The following TRPC7 variants were observed in gnomAD, a reference collection of about 807,000 sequenced individuals.
TRPC7 encodes the protein transient receptor potential cation channel subfamily C member 7.
Under a neutral mutation model 90.1 loss-of-function variants are expected in TRPC7, and 42 were observed. That is an observed-to-expected ratio of 0.47 (90% confidence interval 0.36 to 0.60). TRPC7 has a LOEUF of 0.60. Ranked by LOEUF, TRPC7 falls within the 20% of genes least tolerant of loss-of-function variation. TRPC7 has a pLI of 0.00. For missense variants in TRPC7, 955 were observed against 1,112.3 expected (o/e 0.86, Z 2.01); for synonymous variants, 451 against 436.3 (o/e 1.03, Z -0.42).
intron 2 of TRPC7, among the ~76,000 whole-genome samples, chr5:136,343,550 C>T (rs1374846597): frequency 6.6e-6 from 1 of 152,116 alleles, no homozygotes; most frequent in Non-Finnish European, 1.5e-5. Flanking sequence ...TAGATCATAC[C>T]CTTTTGTCTA....
chr5:136,213,720 A>G (rs930381575), intron 11 of TRPC7, 116 bp from the exon 12 acceptor site: 2 of 1,193,760 alleles, frequency 1.7e-6, no homozygotes, highest in South Asian at 2.9e-5. Context: ...GGGCCAGCCC[A>G]CCAGGGTTGA....
chr5:136,344,717 A>G (rs1031302312), intron 2 of TRPC7, among the ~76,000 whole-genome samples: 1 of 152,176 alleles, frequency 6.6e-6, no homozygotes, highest in Non-Finnish European at 1.5e-5. Flanking sequence ...CTGAGTCTAA[A>G]ACACAAGAAT....
intron 7 of TRPC7, among the ~76,000 whole-genome samples, chr5:136,234,192 C>T (rs1755910925): frequency 6.6e-6 from 1 of 152,222 alleles, no homozygotes; most frequent in Non-Finnish European, 1.5e-5. Flanking sequence ...CTCCAACAGG[C>T]TCTACAAAAG....
chr5:136,227,999 C>G (rs1755684885), intron 8 of TRPC7, among the ~76,000 whole-genome samples: 1 of 152,162 alleles, frequency 6.6e-6, no homozygotes, highest in South Asian at 2.1e-4. Flanking sequence ...CTGCTATGTA[C>G]TTGGCATGTG....
intron 2 of TRPC7, 32 bp downstream of exon 2, chr5:136,356,576 C>A: frequency 1.3e-6 from 2 of 1,503,644 alleles, no homozygotes; most frequent in African/African-American, 1.4e-5. Context: ...CCCTGGGCAA[C>A]CTGCCTGCAG....
intron 2 of TRPC7, 100 bp from the exon 3 acceptor site, chr5:136,315,879 A>T (rs1470865315): frequency 2.6e-6 from 3 of 1,175,616 alleles, no homozygotes; most frequent in Non-Finnish European, 3.6e-6. Context: ...ACCACATGTG[A>T]CCTTATGGAG....
chr5:136,262,649 G>A (rs1756895599), intron 5 of TRPC7, among the ~76,000 whole-genome samples: 1 of 152,182 alleles, frequency 6.6e-6, no homozygotes, highest in Non-Finnish European at 1.5e-5. Flanking sequence ...TAGGAAAAGT[G>A]TTCTGATTTC....
Position 136,312,429 on chromosome 5 carries a change from G to C in TRPC7, c.963+3168C>G, listed in dbSNP as rs759357989. 1.7e-4 allele frequency among the ~76,000 whole-genome samples: 26 copies of C among 152,224 alleles called. No homozygotes were observed. The Middle Eastern group carries it at 0.014, about 80-fold the overall frequency. On this transcript the variant is annotated intron_variant, in intron 3 of 11. Coordinates refer to ENST00000513104, the MANE Select transcript of TRPC7 (RefSeq NM_020389.3). The stretch of plus-strand genomic sequence containing the variant: ...AATGATGCTTCCTTTTGGAGCTGCA[G>C]AGAACTTTATAGTTTCTAGAGCATT...
At chr5:136,360,594 C>T (rs551600091) in intron 1 of TRPC7, among the ~76,000 whole-genome samples, 4 of 152,296 alleles carry the variant, frequency 2.6e-5, no homozygotes, top group Admixed American at 1.3e-4. Flanking sequence ...ATAAACAAGA[C>T]TCTTTCGCAG....
intron 4 of TRPC7, among the ~76,000 whole-genome samples, chr5:136,268,682 C>T (rs903227135): frequency 2.0e-5 from 3 of 152,156 alleles, no homozygotes; most frequent in South Asian, 4.1e-4. Flanking sequence ...GATGAATCTG[C>T]AAAACTTATT....
chr5:136,315,644 G>A lies in TRPC7; in HGVS notation c.916C>T (p.Pro306Ser), dbSNP rs1211795803. 1.2e-6 allele frequency: 2 copies of A among 1,613,900 alleles called. No homozygotes were observed. Among genetic ancestry groups the A allele is most frequent in the Non-Finnish European group, 1.7e-6 (2 of 1,179,854 alleles). ...GCGAGTTTGATCCGGCTCAGACTTG[G>A]ACGGTGGTGGTCGGACCAGACTTGG... ...NFQVWSDHHR[P>S]SLSRIKLAIK... The change falls in exon 3 of 12, where the codon CCA (proline) becomes TCA (serine). Residue 306 changes from proline (P) to serine (S), a missense_variant. Pro to Ser is a moderately conservative substitution (Grantham distance 74). Coordinates refer to ENST00000513104, the MANE Select transcript of TRPC7 (RefSeq NM_020389.3).
At chr5:136,335,732 TC>T (rs1435145658) in intron 2 of TRPC7, among the ~76,000 whole-genome samples, 1 of 151,212 alleles carries the variant, frequency 6.6e-6, no homozygotes, top group East Asian at 2.0e-4. Context: ...TGAAACCCCA[TC>T]TCTACTAAAA....
intron 3 of TRPC7, among the ~76,000 whole-genome samples, chr5:136,288,497 C>G (rs1757810790): frequency 6.6e-6 from 1 of 150,496 alleles, no homozygotes; most frequent in African/African-American, 2.5e-5. Context: ...GGTCCCCTAA[C>G]TAGTGCCGGC....
intron 11 of TRPC7, chr5:136,214,345 T>C (rs1755189819): frequency 6.6e-6 from 1 of 152,312 alleles, no homozygotes; most frequent in South Asian, 2.1e-4. Flanking sequence ...CAAAAGGATC[T>C]TTCCTAATAC....
chr5:136,231,333 T>A, intron 8 of TRPC7, 21 bp downstream of exon 8: 1 of 1,564,390 alleles, frequency 6.4e-7, no homozygotes, highest in Non-Finnish European at 8.7e-7. Flanking sequence ...AGAGCAAGCA[T>A]TTTCAGTGAC....
chr5:136,241,864 C>A (rs1756179433), intron 7 of TRPC7, among the ~76,000 whole-genome samples: 1 of 152,270 alleles, frequency 6.6e-6, no homozygotes, highest in Admixed American at 6.5e-5. Context: ...CCTAGGCACC[C>A]TTTTTCTATG....
chr5:136,247,805 T>C lies in TRPC7; in HGVS notation c.1580-70A>G. The C allele has an allele frequency of 6.6e-7, 1 of 1,520,782 alleles. No individual in the cohort carries two copies. The highest frequency in any genetic ancestry group is 1.4e-5 in the African/African-American group (1 of 72,152). 94.2% of individuals were successfully genotyped at this position (1,520,782 alleles called of 1,614,324 possible). On this transcript the variant is annotated intron_variant, in intron 6 of 11. Coordinates refer to ENST00000513104, the MANE Select transcript of TRPC7 (RefSeq NM_020389.3). The surrounding 1 kb of genome is among the most constrained non-coding windows in gnomAD (Gnocchi z 4.2). ...TTCTAGAAGAGAAACCAGTTAGGCA[T>C]CTTTAGAGGTCTCCAACTGCATCAT...
At chr5:136,324,216 C>A (rs969972088) in intron 2 of TRPC7, among the ~76,000 whole-genome samples, 1 of 152,084 alleles carries the variant, frequency 6.6e-6, no homozygotes, top group Non-Finnish European at 1.5e-5. Context: ...TCTACATAGA[C>A]AAACATGTTG....
chr5:136,235,708 G>A (rs1755959954), intron 7 of TRPC7, among the ~76,000 whole-genome samples: 1 of 152,174 alleles, frequency 6.6e-6, no homozygotes, highest in Admixed American at 6.5e-5. Flanking sequence ...CCATAAAGCT[G>A]CTTGACTCAC....
Sources: gnomAD v4.1 joint callset for allele counts (sites outside exome capture counted in the v4.1 genomes callset) on GRCh38, gnomAD v4.1.1 for gene constraint, Gnocchi (gnomAD v3.1) non-coding constraint, MANE v1.5 for transcripts, NCBI Gene and HGNC (gene_info 2026-07-23, HGNC 2026-07-21) for gene names.